The following COL9A1 variants were observed in gnomAD, a reference collection of about 807,000 sequenced individuals.
The protein encoded by COL9A1 is collagen type IX alpha 1 chain.
COL9A1 carries 104 observed loss-of-function variants against 142.6 expected under a neutral mutation model. That is an observed-to-expected ratio of 0.73 (90% CI 0.62 to 0.86). COL9A1 has a LOEUF of 0.86. Among genes scored for constraint, COL9A1 ranks in the 40% least tolerant of loss-of-function variants. The pLI is 0.00. For missense variants in COL9A1, 1,210 were observed against 1,176.6 expected (o/e 1.03, Z -0.42); for synonymous variants, 466 against 396.0 (o/e 1.18, Z -2.10).
At chr6:70,299,430 A>G (rs531748939) in intron 4 of COL9A1, among the ~76,000 whole-genome samples, 177 of 152,322 alleles carry the variant, frequency 1.2e-3, no homozygotes, top group Non-Finnish European at 2.0e-3. Flanking sequence ...GCTGAGATTC[A>G]TTCATAATGA....
At position 70,254,469 on chromosome 6, in the gene COL9A1, T is replaced by C. The variant is rs757714639; in HGVS notation, c.1719+7A>G. ...ACCAATTAACATGTAAAGAATCAAA[T>C]ACTTACTGGTAACCCCTGCAATCCT... On this transcript the variant is annotated splice_region_variant and intron_variant, in intron 25 of 37. Coordinates refer to ENST00000357250, the MANE Select transcript of COL9A1 (RefSeq NM_001851.6). 3 of 1,613,848 alleles carry C rather than the reference T, an allele frequency of 1.9e-6. No individual in the cohort carries two copies. The South Asian group carries it at 3.3e-5, about 18-fold the overall frequency.
intron 20 of COL9A1, among the ~76,000 whole-genome samples, chr6:70,260,268 G>A (rs886099714): frequency 3.9e-5 from 6 of 152,110 alleles, no homozygotes; most frequent in African/African-American, 7.2e-5. Flanking sequence ...TAGGCTGGGC[G>A]CGGTGGCTCA....
chr6:70,258,691 C>G (rs1583277264), intron 20 of COL9A1: 1 of 152,198 alleles, frequency 6.6e-6, no homozygotes, highest in Non-Finnish European at 1.5e-5. Flanking sequence ...TCAGCATGAG[C>G]TTAGACCCAA....
chr6:70,227,672 A>G (rs997296608), intron 36 of COL9A1, among the ~76,000 whole-genome samples: 6 of 152,142 alleles, frequency 3.9e-5, no homozygotes, highest in African/African-American at 1.4e-4. Flanking sequence ...CTGCTTTTTA[A>G]TACAAAAATG....
chr6:70,274,916 A>G (rs1418346845), intron 10 of COL9A1, 144 bp from the exon 11 acceptor site: 1 of 662,042 alleles, frequency 1.5e-6, no homozygotes, highest in African/African-American at 1.8e-5. Context: ...ATACCTTACT[A>G]TAGTCTTACT....
intron 5 of COL9A1, among the ~76,000 whole-genome samples, chr6:70,284,963 G>A (rs1352493449): frequency 6.6e-6 from 1 of 152,194 alleles, no homozygotes; most frequent in Non-Finnish European, 1.5e-5. Context: ...CTGGACAGAA[G>A]ATCAAAATTG....
In COL9A1 at chr6:70,242,634, G is replaced by A. The variant is rs201880866; in HGVS notation, c.1926+28C>T. 1,469 of 1,600,702 alleles carry A rather than the reference G, an allele frequency of 9.2e-4. 2 individuals are homozygous for A. Among genetic ancestry groups the A allele is most frequent in the Non-Finnish European group, 6.5e-4 (755 of 1,167,874 alleles). On this transcript the variant is annotated intron_variant, in intron 29 of 37. Coordinates refer to ENST00000357250, the MANE Select transcript of COL9A1 (RefSeq NM_001851.6). ...TAAAAATGCATTGTGTTTCGTAGAAGGCAAATAAACGAAACTTTTCTACTT... is the reference window on the plus strand; with the variant it reads ...TAAAAATGCATTGTGTTTCGTAGAAAGCAAATAAACGAAACTTTTCTACTT...
At chr6:70,300,898 G>A (rs1774037856) in intron 2 of COL9A1, among the ~76,000 whole-genome samples, 1 of 152,156 alleles carries the variant, frequency 6.6e-6, no homozygotes, top group Admixed American at 6.5e-5. Context: ...CTTCTGGAGA[G>A]TAGAGTTCTT....
chr6:70,255,163 G>A lies in COL9A1; in HGVS notation c.1598C>T (p.Pro533Leu), dbSNP rs768487303. The change falls in exon 23 of 38, where the codon CCC becomes CTC. Residue 533 changes from proline (P) to leucine (L), a missense_variant. Coordinates refer to ENST00000357250, the MANE Select transcript of COL9A1 (RefSeq NM_001851.6). ...CTCAGGACATACCGTGTCTCCTTTG[G>A]GCCCAGGGAGACCAGGAATTCCTCT... ...GARGIPGLPG[P>L]KGDTGLPGVD... 5.0e-6 allele frequency: 8 copies of A among 1,613,992 alleles called. No homozygotes were observed. The Admixed American group carries it at 6.7e-5, about 13-fold the overall frequency.
At position 70,280,720 on chromosome 6, in the gene COL9A1, T is replaced by C. The variant is rs1773095477; in HGVS notation, c.975+92A>G. The C allele has an allele frequency of 4.1e-6, 6 of 1,449,230 alleles. No individual in the cohort carries two copies. The South Asian group carries it at 7.4e-5, about 18-fold the overall frequency. 89.8% of individuals were successfully genotyped at this position (1,449,230 alleles called of 1,614,324 possible). ...CCACAGCGCGTTCTCTCTCTCTCTT[T>C]CTCTCTCTCCCTCCCCCCCCACAAA... On this transcript the variant is annotated intron_variant, in intron 10 of 37. Coordinates refer to ENST00000357250, the MANE Select transcript of COL9A1 (RefSeq NM_001851.6).
chr6:70,242,313 G>T (rs1183059791), intron 29 of COL9A1, among the ~76,000 whole-genome samples: 1 of 151,920 alleles, frequency 6.6e-6, no homozygotes, highest in Admixed American at 6.6e-5. Flanking sequence ...CCCCCGCACT[G>T]CCTGCAATGG....
At chr6:70,260,604 A>T (rs1771611827) in intron 20 of COL9A1, 53 bp downstream of exon 20, 1 of 1,554,356 alleles carries the variant, frequency 6.4e-7, no homozygotes, top group South Asian at 1.2e-5. Context: ...AACGGCCAAA[A>T]TTTTAAATAT....
At chr6:70,301,313 C>T (rs1401092126) in intron 2 of COL9A1, among the ~76,000 whole-genome samples, 10 of 152,182 alleles carry the variant, frequency 6.6e-5, no homozygotes, top group African/African-American at 1.9e-4. Context: ...CTGTGGCTCA[C>T]GCCTGTAATC....
intron 31 of COL9A1, 115 bp downstream of exon 31, chr6:70,241,304 A>G (rs1770241356): frequency 3.4e-6 from 3 of 878,986 alleles, no homozygotes; most frequent in African/African-American, 1.6e-5. Context: ...CACATTGAGA[A>G]AAACTGTTAG....
chr6:70,270,396 G>T, intron 14 of COL9A1, 29 bp from the exon 15 acceptor site: 2 of 1,599,202 alleles, frequency 1.3e-6, no homozygotes, highest in Non-Finnish European at 1.7e-6. Context: ...GCGACACAGT[G>T]GTTATACATG....
intron 10 of COL9A1, among the ~76,000 whole-genome samples, chr6:70,277,808 A>G (rs914163041): frequency 2.6e-5 from 4 of 152,202 alleles, no homozygotes; most frequent in African/African-American, 9.6e-5. Context: ...AACATTATCA[A>G]AAAATAAGCC....
chr6:70,267,563 C>A (rs1435088355), intron 17 of COL9A1, among the ~76,000 whole-genome samples: 2 of 151,890 alleles, frequency 1.3e-5, no homozygotes, highest in Non-Finnish European at 2.9e-5. Flanking sequence ...GTCAGGTGAT[C>A]CACCCACCTC....
In COL9A1 at chr6:70,268,877, G is replaced by C. The variant is rs199996049; in HGVS notation, c.1231-17C>G. ...ATTGGGACACTGCCAGGGAGAGAGG[G>C]AACAAAGAGAAAGAAAGACAGACAG... is the stretch of plus-strand genomic sequence containing the variant. On this transcript the variant is annotated splice_polypyrimidine_tract_variant and intron_variant, in intron 16 of 37. Coordinates refer to ENST00000357250, the MANE Select transcript of COL9A1 (RefSeq NM_001851.6). 2.5e-6 allele frequency: 4 copies of C among 1,612,860 alleles called. No individual in the cohort carries two copies. The South Asian group carries it at 3.3e-5, about 13-fold the overall frequency.
chr6:70,301,776 A>G (rs1344202309), intron 2 of COL9A1, among the ~76,000 whole-genome samples: 1 of 152,202 alleles, frequency 6.6e-6, no homozygotes, highest in Non-Finnish European at 1.5e-5. Context: ...CAGCTCACAG[A>G]TTGGCCTTCC....
Sources: allele counts gnomAD v4.1 joint callset (sites outside exome capture counted in the v4.1 genomes callset), GRCh38; gene constraint gnomAD v4.1.1; transcripts MANE v1.5; gene names NCBI Gene and HGNC (gene_info 2026-07-23, HGNC 2026-07-21).